The following CARS1 variants were observed in gnomAD, a reference collection of about 807,000 sequenced individuals.
CARS1 encodes cysteinyl-tRNA synthetase 1.
Under a neutral mutation model 106.2 loss-of-function variants are expected in CARS1, and 48 were observed. The observed-to-expected ratio is 0.45, with a 90% confidence interval of 0.36 to 0.57. The LOEUF is 0.57. CARS1 is among the 20% of genes least tolerant of loss of function. The pLI, the probability that CARS1 is intolerant of heterozygous loss-of-function variation, is 0.00. For synonymous variants in CARS1, 409 were observed against 403.4 expected (o/e 1.01, Z -0.17); for missense variants, 968 against 1,057.2 (o/e 0.92, Z 1.17).
rs1852542734 is a variant in CARS1, at chr11:3,029,982, A to T, written c.802-539T>A. The T allele has an allele frequency of 6.5e-6, 1 of 153,474 alleles. No homozygotes were observed. Among genetic ancestry groups the T allele is most frequent in the Non-Finnish European group, 1.4e-5 (1 of 69,092 alleles). 9.5% of individuals were successfully genotyped at this position (153,474 alleles called of 1,614,324 possible). On this transcript the variant is annotated intron_variant, in intron 7 of 22. Transcript: ENST00000380525. The surrounding 1 kb of genome is among the most constrained non-coding windows in gnomAD (Gnocchi z 5.9). ...CCATGGAATGGGAGTAAAAACCACC[A>T]ATCCCAGCAAAACATGGCACCTATG...
Position 3,047,785 on chromosome 11 carries a change from C to G in CARS1, c.242G>C (p.Cys81Ser). 6.2e-7 allele frequency: 1 copy of G among 1,613,612 alleles called. No individual in the cohort carries two copies. Among genetic ancestry groups the G allele is most frequent in the Non-Finnish European group, 8.5e-7 (1 of 1,179,616 alleles). The change falls in exon 2 of 23, where the codon TGT (cysteine) becomes TCT (serine). Residue 81 changes from cysteine (C) to serine (S), a missense_variant. Cys to Ser is a moderately radical substitution (Grantham distance 112). Coordinates refer to ENST00000380525, the MANE Select transcript of CARS1 (RefSeq NM_001014437.3). Reference sequence around the variant, plus strand: ...GAGCCTGCAGGGCTGGCCTTTGCCACAGGGGCTACCCAGGAGCGCTTCTAT... The same window carrying G: ...GAGCCTGCAGGGCTGGCCTTTGCCAGAGGGGCTACCCAGGAGCGCTTCTAT... The part of the protein sequence containing the change: ...RHIEALLGSP[C>S]GKGQPCRLQA...
At chr11:3,031,636 C>G (rs1302622876) in intron 7 of CARS1, 1 of 152,220 alleles carries the variant, frequency 6.6e-6, no homozygotes, top group African/African-American at 2.4e-5. Context: ...GAAGTTAGGT[C>G]ATAGGGCAAA....
At chr11:3,026,501 T>C (rs1180640210) in intron 10 of CARS1, among the ~76,000 whole-genome samples, 175 bp downstream of exon 10, 1 of 152,162 alleles carries the variant, frequency 6.6e-6, no homozygotes, top group Non-Finnish European at 1.5e-5. Flanking sequence ...GTCATGGTCT[T>C]AGAGCTGCAC....
In CARS1 at chr11:3,020,354, G is replaced by C. The variant is rs779891516; in HGVS notation, c.1154-22C>G. 1.3e-6 allele frequency: 2 copies of C among 1,502,288 alleles called. No individual in the cohort carries two copies. Among genetic ancestry groups the C allele is most frequent in the South Asian group, 1.1e-5 (1 of 88,838 alleles). 93.1% of individuals were successfully genotyped at this position (1,502,288 alleles called of 1,614,324 possible). On this transcript the variant is annotated intron_variant, in intron 10 of 22. Coordinates refer to ENST00000380525, the MANE Select transcript of CARS1 (RefSeq NM_001014437.3). The surrounding 1 kb of genome is among the most constrained non-coding windows in gnomAD (Gnocchi z 4.6). ...TCACCTGCAAACACGAGGGACGCCA[G>C]GCAAGGTCACTCAGCAGCACCCACA... is the stretch of plus-strand genomic sequence containing the variant.
chr11:3,027,196 G>A (rs1852174395), intron 9 of CARS1: 1 of 159,792 alleles, frequency 6.3e-6, no homozygotes, highest in Admixed American at 6.4e-5. Context: ...GGAATGACCT[G>A]TCCTCTCTGA....
Position 3,020,342 on chromosome 11 carries a change from C to T in CARS1, c.1154-10G>A, listed in dbSNP as rs185712179. On this transcript the variant is annotated splice_polypyrimidine_tract_variant and intron_variant, in intron 10 of 22. Transcript: ENST00000380525. The surrounding 1 kb of genome is among the most constrained non-coding windows in gnomAD (Gnocchi z 4.6). Reference sequence around the variant, plus strand: ...GAGATGCTCAGGTCACCTGCAAACACGAGGGACGCCAGGCAAGGTCACTCA... The same window carrying T: ...GAGATGCTCAGGTCACCTGCAAACATGAGGGACGCCAGGCAAGGTCACTCA... 3.8e-3 allele frequency: 6,043 copies of T among 1,578,576 alleles called. 84 individuals are homozygous for T. The highest frequency in any genetic ancestry group is 0.028 in the South Asian group (2,508 of 90,384).
Position 3,028,651 on chromosome 11 carries a change from C to T in CARS1, c.1031+345G>A, listed in dbSNP as rs1049759341. ...TCGGGATATGACACCAGGACTAGCA[C>T]TCTCAAAATGTCTACGCAATGGCAC... On this transcript the variant is annotated intron_variant, in intron 9 of 22. Coordinates refer to ENST00000380525, the MANE Select transcript of CARS1 (RefSeq NM_001014437.3). This position sits in a 1 kb window ranked among gnomAD's most constrained non-coding sequence, Gnocchi z 4.4. The T allele has an allele frequency of 1.4e-5, 5 of 344,898 alleles. No individual in the cohort carries two copies. The highest frequency in any genetic ancestry group is 2.6e-5 in the Non-Finnish European group (5 of 191,560). 21.4% of individuals were successfully genotyped at this position (344,898 alleles called of 1,614,324 possible).
chr11:3,018,717 G>A lies in CARS1; in HGVS notation c.1428C>T (p.Tyr476=). The A allele has an allele frequency of 6.2e-7, 1 of 1,614,164 alleles. No individual in the cohort carries two copies. Among genetic ancestry groups the A allele is most frequent in the Non-Finnish European group, 8.5e-7 (1 of 1,179,996 alleles). The change falls in exon 13 of 23, where the codon TAC becomes TAT. Residue 476 remains tyrosine (Y), a synonymous_variant. Transcript: ENST00000380525. ...AYFENDCWVR[Y]FLHTGHLTIA... ...TGGTCAGGTGGCCTGTGTGCAGGAA[G>A]TACCTGACCCAGCAGTCGTTTTCAA...
intron 1 of CARS1, among the ~76,000 whole-genome samples, chr11:3,055,824 C>G (rs1260519577): frequency 6.6e-6 from 1 of 152,252 alleles, no homozygotes; most frequent in African/African-American, 2.4e-5. Flanking sequence ...GTGCCAGGCA[C>G]TGTTCTACGT....
In CARS1 at chr11:3,015,820, G is replaced by T; in HGVS notation, c.1947C>A (p.Ser649=). The change falls in exon 17 of 23, where the codon TCC becomes TCA. Residue 649 remains serine (S), a synonymous_variant. Transcript: ENST00000380525. ...CAGGCCCTCCGACCGGGAATCCCAG[G>T]GAGCTGTCCTCTTCTACGGCCCCAA... ...KIFGAVEEDS[S]LGFPVGGPGT... is the part of the protein sequence containing the mutation. The T allele has an allele frequency of 6.2e-7, 1 of 1,614,138 alleles. No individual in the cohort carries two copies. The highest frequency in any genetic ancestry group is 8.5e-7 in the Non-Finnish European group (1 of 1,180,028).
At position 3,044,344 on chromosome 11, in the gene CARS1, C is replaced by G. The variant is rs953307875; in HGVS notation, c.275-2088G>C. Among the ~76,000 whole-genome samples, 1 of 152,200 alleles carries G rather than the reference C, an allele frequency of 6.6e-6. No homozygotes were observed. The highest frequency in any genetic ancestry group is 2.4e-5 in the African/African-American group (1 of 41,444). ...TGGGCTCCCCAGGAAAACGGGTTAC[C>G]AGGCCCAGATATACAAATTCAGATT... On this transcript the variant is annotated intron_variant, in intron 2 of 22. Transcript: ENST00000380525. This position sits in a 1 kb window ranked among gnomAD's most constrained non-coding sequence, Gnocchi z 4.4.
chr11:3,051,907 G>A (rs1000226898), intron 1 of CARS1, among the ~76,000 whole-genome samples: 3 of 152,176 alleles, frequency 2.0e-5, no homozygotes, highest in African/African-American at 4.8e-5. Flanking sequence ...ACACAGCATC[G>A]GCTTCCAGCT....
Position 3,028,983 on chromosome 11 carries a change from C to G in CARS1, c.1031+13G>C. 2 of 1,595,258 alleles carry G rather than the reference C, an allele frequency of 1.3e-6. No homozygotes were observed. The highest frequency in any genetic ancestry group is 1.7e-6 in the Non-Finnish European group (2 of 1,162,922). ...GCAGCCCTTCCCTCCCTAGGGAAGGCCCTTGTGCTTACCCGTAACCGTTGT... is the reference window on the plus strand; with the variant it reads ...GCAGCCCTTCCCTCCCTAGGGAAGGGCCTTGTGCTTACCCGTAACCGTTGT... On this transcript the variant is annotated intron_variant, in intron 9 of 22. Coordinates refer to ENST00000380525, the MANE Select transcript of CARS1 (RefSeq NM_001014437.3). This position sits in a 1 kb window ranked among gnomAD's most constrained non-coding sequence, Gnocchi z 4.4.
intron 1 of CARS1, among the ~76,000 whole-genome samples, chr11:3,054,469 CA>C (rs779980812): frequency 1.3e-5 from 2 of 152,232 alleles, no homozygotes; most frequent in Non-Finnish European, 2.9e-5. Context: ...GAGGAGCAAA[CA>C]TTTCATGTGG....
chr11:3,017,242 G>T lies in CARS1; in HGVS notation c.1781C>A (p.Thr594Asn). 6.2e-7 allele frequency: 1 copy of T among 1,614,152 alleles called. No homozygotes were observed. Among genetic ancestry groups the T allele is most frequent in the Non-Finnish European group, 8.5e-7 (1 of 1,180,008 alleles). ...IHKALCDNVD[T>N]RTVMEEMRAL... ...CCGCATCTCTTCCATGACGGTGCGG[G>T]TGTCAACATTGTCACAGAGGGCTTT... Residue 594 changes from threonine to asparagine, a missense_variant, in exon 16 of 23, where the codon ACC becomes AAC. Transcript: ENST00000380525. The surrounding 1 kb of genome is among the most constrained non-coding windows in gnomAD (Gnocchi z 4.9).
At chr11:3,015,322 C>G (rs1374758941) in intron 17 of CARS1, among the ~76,000 whole-genome samples, 1 of 152,258 alleles carries the variant, frequency 6.6e-6, no homozygotes, top group African/African-American at 2.4e-5. Flanking sequence ...GTTAGGGCAT[C>G]TGCCCAGCCC....
intron 1 of CARS1, among the ~76,000 whole-genome samples, chr11:3,051,838 T>A (rs1855724001): frequency 6.6e-6 from 1 of 152,062 alleles, no homozygotes; most frequent in Non-Finnish European, 1.5e-5. Flanking sequence ...CATGCCTGGG[T>A]TGGACTCCAC....
rs535594028 is a variant in CARS1 at position 3,020,884 on chromosome 11, T to A, written c.1154-552A>T. ...GTGAAGGGGACATTTGCTGTTCCTG[T>A]GTATTTATAAGGGGAAAATAGGTGA... On this transcript the variant is annotated intron_variant, in intron 10 of 22. Transcript: ENST00000380525. This position sits in a 1 kb window ranked among gnomAD's most constrained non-coding sequence, Gnocchi z 4.6. Among the ~76,000 whole-genome samples the A allele has an allele frequency of 2.5e-4, 38 of 152,296 alleles. No homozygotes were observed. The highest frequency in any genetic ancestry group is 1.5e-3 in the Admixed American group (23 of 15,290).
At chr11:3,049,746 C>T (rs1469407588) in intron 1 of CARS1, among the ~76,000 whole-genome samples, 1 of 152,234 alleles carries the variant, frequency 6.6e-6, no homozygotes, top group Admixed American at 6.5e-5. Context: ...GGATGCCCTG[C>T]ACATCACAGT....
Sources: allele counts gnomAD v4.1 joint callset (sites outside exome capture counted in the v4.1 genomes callset), GRCh38; gene constraint gnomAD v4.1.1; non-coding constraint Gnocchi (gnomAD v3.1); transcripts MANE v1.5; gene names NCBI Gene and HGNC (gene_info 2026-07-23, HGNC 2026-07-21).